PTPRT: variants seen among roughly 807,000 people sequenced by gnomAD.
PTPRT encodes protein tyrosine phosphatase receptor type T, also known as receptor-type tyrosine-protein phosphatase T.
Under a neutral mutation model 176.8 loss-of-function variants are expected in PTPRT, and 56 were observed. The ratio of observed to expected loss-of-function variants is 0.32; its 90% CI spans 0.26 to 0.40. The LOEUF (loss-of-function observed/expected upper bound fraction) is 0.40. Ranked by LOEUF, PTPRT falls within the 10% of genes least tolerant of loss-of-function variation. The pLI, the probability that PTPRT is intolerant of heterozygous loss-of-function variation, is 1.00. For missense variants in PTPRT, 1,540 were observed against 1,908.2 expected (o/e 0.81, Z 3.60); for synonymous variants, 783 against 739.0 (o/e 1.06, Z -0.96).
At chr20:42,067,904 A>G (rs943656982), downstream of PTPRT, among the ~76,000 whole-genome samples, 1 of 152,140 alleles carries the variant, frequency 6.6e-6, no homozygotes, top group African/African-American at 2.4e-5. Flanking sequence ...TTTTTTTTGG[A>G]AATATGATTC....
intron 7 of PTPRT, among the ~76,000 whole-genome samples, chr20:42,561,031 C>T (rs963447753): frequency 7.2e-5 from 11 of 152,206 alleles, no homozygotes; most frequent in South Asian, 4.1e-4. Flanking sequence ...TTGGCACCAG[C>T]GCCCTGTGGT....
intron 7 of PTPRT, among the ~76,000 whole-genome samples, chr20:42,624,370 C>T (rs2074254911): frequency 6.6e-6 from 1 of 152,190 alleles, no homozygotes; most frequent in Admixed American, 6.5e-5. Flanking sequence ...TTATTCATCC[C>T]AGAGCCTTAA....
rs73907464 is a variant in PTPRT at position 43,040,395 on chromosome 20, G to A, written c.88+149251C>T. 3.1e-3 allele frequency among the ~76,000 whole-genome samples: 470 copies of A among 152,276 alleles called. 5 individuals are homozygous for A. Among genetic ancestry groups the A allele is most frequent in the African/African-American group, 0.011 (460 of 41,562 alleles). On this transcript the variant is annotated intron_variant, in intron 1 of 30. Coordinates refer to ENST00000373187, the MANE Select transcript of PTPRT (RefSeq NM_007050.6). ...CACAGCCAATATGGTTGCCAACAGA[G>A]CAGAACTGGGGAGGAAGGACAAAAT... is the stretch of plus-strand genomic sequence containing the variant.
At chr20:42,592,799 G>A (rs1389409038) in intron 7 of PTPRT, among the ~76,000 whole-genome samples, 2 of 152,126 alleles carry the variant, frequency 1.3e-5, no homozygotes, top group African/African-American at 2.4e-5. Flanking sequence ...ACCTAACCAT[G>A]TTATCCAGTC....
intron 9 of PTPRT, among the ~76,000 whole-genome samples, chr20:42,411,353 C>A (rs1275301461): frequency 6.6e-6 from 1 of 151,638 alleles, no homozygotes. Flanking sequence ...CCTGTCTCTA[C>A]TGAAAATACA....
At chr20:43,090,314 C>T (rs942879008) in intron 1 of PTPRT, among the ~76,000 whole-genome samples, 6 of 150,824 alleles carry the variant, frequency 4.0e-5, no homozygotes, top group South Asian at 2.1e-4. Context: ...GTCGCCCAGG[C>T]TGGAGTGCAG....
At chr20:42,032,215 G>T in the PTPRT span, among the ~76,000 whole-genome samples, 1 of 152,136 alleles carries the variant, frequency 6.6e-6, no homozygotes, top group Admixed American at 6.6e-5. Context: ...GGGATGGGGA[G>T]TGATAGGATA....
chr20:43,034,868 C>CCCCTTCA (rs1986310233), intron 1 of PTPRT, among the ~76,000 whole-genome samples: 1 of 151,854 alleles, frequency 6.6e-6, no homozygotes. Context: ...AGAGGGGGGT[C>CCCCTTCA]CCTGTCTGTC....
At chr20:42,384,118 C>T (rs2058720985) in intron 9 of PTPRT, among the ~76,000 whole-genome samples, 1 of 152,162 alleles carries the variant, frequency 6.6e-6, no homozygotes, top group Non-Finnish European at 1.5e-5. Flanking sequence ...TGGGGCTTCA[C>T]GTTAAATGTG....
At chr20:42,324,558 T>A (rs531608178) in intron 11 of PTPRT, among the ~76,000 whole-genome samples, 26 of 152,346 alleles carry the variant, frequency 1.7e-4, no homozygotes, top group Non-Finnish European at 2.5e-4. Context: ...GACTGAATAA[T>A]CTTCAATGTC....
chr20:42,450,310 A>G (rs1021657746), intron 8 of PTPRT, among the ~76,000 whole-genome samples: 12 of 152,228 alleles, frequency 7.9e-5, no homozygotes, highest in African/African-American at 2.7e-4. Flanking sequence ...GACATATATT[A>G]CCAGATTGCC....
intron 2 of PTPRT, among the ~76,000 whole-genome samples, chr20:42,813,289 T>A (rs1371922910): frequency 6.6e-6 from 1 of 152,168 alleles, no homozygotes; most frequent in African/African-American, 2.4e-5. Context: ...CAATTGTGAA[T>A]AATTTACCTC....
At chr20:42,877,178 T>C (rs2078947018) in intron 2 of PTPRT, among the ~76,000 whole-genome samples, 1 of 150,334 alleles carries the variant, frequency 6.7e-6, no homozygotes, top group Non-Finnish European at 1.5e-5. Flanking sequence ...TTCTGGGAGA[T>C]CAACAAGCAA....
intron 7 of PTPRT, among the ~76,000 whole-genome samples, chr20:42,664,498 C>G (rs183980983): frequency 6.6e-6 from 1 of 151,934 alleles, no homozygotes; most frequent in Non-Finnish European, 1.5e-5. Context: ...TCTAGTTTTG[C>G]CTTTTAAGTT....
intron 6 of PTPRT, among the ~76,000 whole-genome samples, chr20:42,693,701 A>G (rs1338176403): frequency 6.6e-6 from 1 of 152,218 alleles, no homozygotes; most frequent in Non-Finnish European, 1.5e-5. Context: ...TATACTATAA[A>G]CAAAGTCAAT....
chr20:42,457,897 G>A (rs1408030507), intron 8 of PTPRT, among the ~76,000 whole-genome samples: 1 of 152,122 alleles, frequency 6.6e-6, no homozygotes, highest in African/African-American at 2.4e-5. Context: ...CTTGGAGGGG[G>A]AGCTCTCGTT....
At position 43,020,246 on chromosome 20, in the gene PTPRT, TTA is replaced by T. The variant is rs1219631585; in HGVS notation, c.89-134316_89-134315del. Among the ~76,000 whole-genome samples, 4 of 148,062 alleles carry T rather than the reference TTA, an allele frequency of 2.7e-5. No homozygotes were observed. The East Asian group carries it at 7.8e-4, about 29-fold the overall frequency. On this transcript the variant is annotated intron_variant, in intron 1 of 30. Transcript: ENST00000373187. ...TGTAATATATATATATATATTTATG[TTA>T]TATATATATTTGGTTCTTTTTGGAT...
intron 7 of PTPRT, among the ~76,000 whole-genome samples, chr20:42,527,602 G>A (rs1601196702): frequency 6.6e-6 from 1 of 152,186 alleles, no homozygotes; most frequent in South Asian, 2.1e-4. Flanking sequence ...GGGAAAAAAA[G>A]CAGAAGGAGC....
intron 2 of PTPRT, among the ~76,000 whole-genome samples, chr20:42,837,552 C>A (rs914450575): frequency 6.6e-6 from 1 of 152,212 alleles, no homozygotes; most frequent in Admixed American, 6.5e-5. Context: ...CTGCTGCAGT[C>A]CAGTCTGCTC....
Sources: gnomAD v4.1 joint callset for allele counts (sites outside exome capture counted in the v4.1 genomes callset) on GRCh38, gnomAD v4.1.1 for gene constraint, MANE v1.5 for transcripts, NCBI Gene and HGNC (gene_info 2026-07-23, HGNC 2026-07-21) for gene names.